Variants in MACROD2 observed in about 807,000 individuals in gnomAD.
The protein encoded by MACROD2 is ADP-ribose glycohydrolase MACROD2.
MACROD2 carries 36 observed loss-of-function variants against 70.4 expected under a neutral mutation model. The observed-to-expected ratio is 0.51, with a 90% CI of 0.39 to 0.68. MACROD2 has a LOEUF of 0.68. Ranked by LOEUF, MACROD2 falls within the 30% of genes least tolerant of loss-of-function variation. The pLI is 0.00. For missense variants in MACROD2, 496 were observed against 538.4 expected (o/e 0.92, Z 0.78); for synonymous variants, 172 against 178.8 (o/e 0.96, Z 0.30).
chr20:15,636,071 C>CAAAAAAAAAAAAAAAAAAAAA (rs1178846767), intron 8 of MACROD2, among the ~76,000 whole-genome samples: 2 of 27,958 alleles, frequency 7.2e-5, no homozygotes, highest in African/African-American at 9.8e-5. Context: ...GGCTCCCTCT[C>CAAAAAAAAAAAAAAAAAAAAA]AAAAGAAAAA....
At chr20:14,989,620 G>A (rs924824749) in intron 5 of MACROD2, among the ~76,000 whole-genome samples, 5 of 152,082 alleles carry the variant, frequency 3.3e-5, no homozygotes, top group Non-Finnish European at 5.9e-5. Flanking sequence ...GAGATTTCTT[G>A]GAACTCTGGT....
At chr20:14,133,442 G>A (rs971797002) in intron 3 of MACROD2, among the ~76,000 whole-genome samples, 1 of 152,146 alleles carries the variant, frequency 6.6e-6, no homozygotes, top group African/African-American at 2.4e-5. Context: ...GGACATAGAG[G>A]TAAAGTAGGT....
intron 5 of MACROD2, among the ~76,000 whole-genome samples, chr20:15,056,828 C>T (rs1388283016): frequency 6.6e-6 from 1 of 152,090 alleles, no homozygotes; most frequent in East Asian, 1.9e-4. Context: ...ATGATCACAA[C>T]AACAAATAAG....
rs1020870968 is a variant in MACROD2, at chr20:14,121,016, AT to A, written c.271+35297del. Among the ~76,000 whole-genome samples, 11 of 150,656 alleles carry A rather than the reference AT, an allele frequency of 7.3e-5. No homozygotes were observed. In the South Asian group the frequency reaches 8.4e-4, roughly 12 times the overall value. On this transcript the variant is annotated intron_variant, in intron 3 of 17. Transcript: ENST00000684519. ...AACCTGCACGTTCTGTACAGGTACC[AT>A]TTTTTTTTAGAAGGAAAAAACAGTA...
chr20:14,070,151 C>T (rs2053818925), intron 2 of MACROD2, among the ~76,000 whole-genome samples: 1 of 152,078 alleles, frequency 6.6e-6, no homozygotes, highest in South Asian at 2.1e-4. Context: ...ACAGCAAAAG[C>T]TTAGGAGGAA....
At chr20:15,001,812 C>T (rs2074997430) in intron 5 of MACROD2, among the ~76,000 whole-genome samples, 1 of 151,694 alleles carries the variant, frequency 6.6e-6, no homozygotes, top group East Asian at 1.9e-4. Flanking sequence ...CACCCATCAC[C>T]CAAGCAGTAT....
chr20:15,713,353 A>G (rs1398033776), intron 8 of MACROD2, among the ~76,000 whole-genome samples: 1 of 152,222 alleles, frequency 6.6e-6, no homozygotes, highest in Non-Finnish European at 1.5e-5. Context: ...TCAGCTCTGT[A>G]TTAGTCTGTT....
chr20:15,196,925 A>G (rs1767417816), intron 5 of MACROD2: 1 of 985,424 alleles, frequency 1.0e-6, no homozygotes, highest in Non-Finnish European at 1.2e-6. Flanking sequence ...TGGAAAGACT[A>G]CATAAAAAAC....
chr20:14,671,681 G>A (rs2123561483), intron 4 of MACROD2, among the ~76,000 whole-genome samples: 1 of 152,178 alleles, frequency 6.6e-6, no homozygotes, highest in South Asian at 2.1e-4. Context: ...CTAGGATCAC[G>A]GCCCAAATCT....
At chr20:15,094,260 A>G (rs544292764) in intron 5 of MACROD2, among the ~76,000 whole-genome samples, 35 of 152,258 alleles carry the variant, frequency 2.3e-4, no homozygotes, top group African/African-American at 7.7e-4. Context: ...TGATGTACTT[A>G]TTTGCTCACT....
At chr20:15,816,824 CT>C (rs2063881417) in intron 8 of MACROD2, among the ~76,000 whole-genome samples, 1 of 152,150 alleles carries the variant, frequency 6.6e-6, no homozygotes, top group Non-Finnish European at 1.5e-5. Context: ...AGAAAGAGGA[CT>C]TTAACCTGTA....
At chr20:14,412,905 A>G (rs1470538007) in intron 3 of MACROD2, among the ~76,000 whole-genome samples, 1 of 152,230 alleles carries the variant, frequency 6.6e-6, no homozygotes, top group Non-Finnish European at 1.5e-5. Context: ...AAGATTCTAA[A>G]TGGATGTGCA....
intron 4 of MACROD2, among the ~76,000 whole-genome samples, chr20:14,664,334 G>T (rs2070713240): frequency 6.6e-6 from 1 of 152,082 alleles, no homozygotes. Context: ...GCCCTTATGT[G>T]CTTCGAGTGG....
At chr20:14,593,479 A>G (rs1406615424) in intron 4 of MACROD2, among the ~76,000 whole-genome samples, 1 of 152,172 alleles carries the variant, frequency 6.6e-6, no homozygotes, top group African/African-American at 2.4e-5. Context: ...TGGTGGCAAA[A>G]CAAACGTGCT....
rs996506084 is a variant in MACROD2 at position 14,553,647 on chromosome 20, T to C, written c.301+60139T>C. ...GGCATTTCTATGCAATGGGAACTTT[T>C]CAGCTCCACTATAATCTTATGGGAT... is the stretch of plus-strand genomic sequence containing the variant. On this transcript the variant is annotated intron_variant, in intron 4 of 17. Coordinates refer to ENST00000684519, the MANE Select transcript of MACROD2 (RefSeq NM_001351661.2). 1.3e-5 allele frequency among the ~76,000 whole-genome samples: 2 copies of C among 152,140 alleles called. 1 individual carries two copies. Among genetic ancestry groups the C allele is most frequent in the South Asian group, 4.1e-4 (2 of 4,834 alleles).
rs369551810 is a variant in MACROD2 at position 15,278,962 on chromosome 20, G to A, written c.540+48901G>A. Among the ~76,000 whole-genome samples, 29 of 152,172 alleles carry A rather than the reference G, an allele frequency of 1.9e-4. No individual in the cohort carries two copies. In the South Asian group the frequency reaches 4.6e-3, roughly 24 times the overall value. On this transcript the variant is annotated intron_variant, in intron 6 of 17. Transcript: ENST00000684519. ...TGGATGCCTCGCGTGCCCTGCTTTC[G>A]CCTTGCAGTCTGACTATTCCATTTC...
intron 3 of MACROD2, among the ~76,000 whole-genome samples, chr20:14,387,210 T>C (rs190839857): frequency 5.2e-4 from 79 of 152,330 alleles, no homozygotes; most frequent in Non-Finnish European, 1.0e-3. Context: ...TGCCATACTT[T>C]TCTGTTTCTT....
intron 5 of MACROD2, among the ~76,000 whole-genome samples, chr20:15,084,294 C>G (rs1449057476): frequency 2.6e-5 from 4 of 151,938 alleles, no homozygotes; most frequent in Admixed American, 2.6e-4. Context: ...TCTCGAAGTC[C>G]TGACCTCATG....
At chr20:15,618,528 C>A (rs1383759039) in intron 8 of MACROD2, among the ~76,000 whole-genome samples, 1 of 152,040 alleles carries the variant, frequency 6.6e-6, no homozygotes, top group African/African-American at 2.4e-5. Flanking sequence ...TCACCCCACC[C>A]TCCCAACCCT....
Sources: gnomAD v4.1 joint callset for allele counts (sites outside exome capture counted in the v4.1 genomes callset) on GRCh38, gnomAD v4.1.1 for gene constraint, MANE v1.5 for transcripts, NCBI Gene and HGNC (gene_info 2026-07-23, HGNC 2026-07-21) for gene names.